The following CACNA1C variants were observed in gnomAD, a reference collection of about 807,000 sequenced individuals.
The protein encoded by CACNA1C is voltage-dependent L-type calcium channel subunit alpha-1C.
A neutral mutation model predicts 229.0 loss-of-function variants in CACNA1C; 30 were observed. That is an observed-to-expected ratio of 0.13 (90% CI 0.10 to 0.18). The LOEUF (loss-of-function observed/expected upper bound fraction) is 0.18, where lower values mean the gene tolerates loss of function less well. Ranked by LOEUF, CACNA1C falls within the 10% of genes least tolerant of loss-of-function variation. The pLI, the probability that CACNA1C is intolerant of heterozygous loss-of-function variation, is 1.00. For missense variants in CACNA1C, 1,658 were observed against 2,845.0 expected, an observed-to-expected ratio of 0.58 and a Z score of 9.49; for synonymous variants, 1,114 against 1,132.5, an observed-to-expected ratio of 0.98 and a Z score of 0.33.
intron 3 of CACNA1C, among the ~76,000 whole-genome samples, chr12:2,137,429 C>T (rs1460119463): frequency 6.6e-6 from 1 of 151,138 alleles, no homozygotes; most frequent in African/African-American, 2.4e-5. Flanking sequence ...CACACACATA[C>T]ACACACATTA....
At chr12:2,243,552 A>G (rs2071569352) in intron 3 of CACNA1C, among the ~76,000 whole-genome samples, 1 of 152,206 alleles carries the variant, frequency 6.6e-6, no homozygotes, top group African/African-American at 2.4e-5. Context: ...ATGAGAAGGT[A>G]TGAAATGACA....
chr12:2,534,159 G>A (rs994331906), intron 9 of CACNA1C, among the ~76,000 whole-genome samples: 2 of 152,264 alleles, frequency 1.3e-5, no homozygotes, highest in Non-Finnish European at 1.5e-5. Context: ...AGACACAGGC[G>A]CACAGCTCCC....
chr12:2,321,638 A>G (rs2096003875), intron 3 of CACNA1C, among the ~76,000 whole-genome samples: 1 of 152,158 alleles, frequency 6.6e-6, no homozygotes. Flanking sequence ...TGAATAAACA[A>G]GGTAATTTCA....
intron 1 of CACNA1C, among the ~76,000 whole-genome samples, chr12:2,069,427 G>A (rs1021229591): frequency 3.3e-5 from 5 of 152,194 alleles, no homozygotes; most frequent in Admixed American, 1.3e-4. Flanking sequence ...GTGCCTGTAC[G>A]TGTGTGGATG....
At chr12:2,453,837 A>T (rs1260717047) in intron 4 of CACNA1C, among the ~76,000 whole-genome samples, 1 of 152,236 alleles carries the variant, frequency 6.6e-6, no homozygotes, top group East Asian at 1.9e-4. Flanking sequence ...CAAGAGTGGC[A>T]TCTCCATGAG....
Position 2,181,023 on chromosome 12 carries a change from A to T in CACNA1C, c.477+60593A>T, listed in dbSNP as rs1455781325. ...TCATGAACATAACCCTCAAATCTGC[A>T]CTCCCCTATTACGTGTTTGGGCAAC... is the stretch of plus-strand genomic sequence containing the variant. On this transcript the variant is annotated intron_variant, in intron 3 of 46. Coordinates refer to ENST00000399655, the MANE Select transcript of CACNA1C (RefSeq NM_000719.7). The surrounding 1 kb of genome is among the most constrained non-coding windows in gnomAD (Gnocchi z 4.0). 6.6e-6 allele frequency among the ~76,000 whole-genome samples: 1 copy of T among 151,816 alleles called. No individual in the cohort carries two copies. The highest frequency in any genetic ancestry group is 1.5e-5 in the Non-Finnish European group (1 of 67,972).
At chr12:2,226,745 G>A (rs543183138) in intron 3 of CACNA1C, among the ~76,000 whole-genome samples, 212 of 152,274 alleles carry the variant, frequency 1.4e-3, no homozygotes, top group African/African-American at 4.7e-3. Flanking sequence ...AAAATACACC[G>A]AGTTTGACTC....
chr12:2,106,580 C>A (rs2078775016), intron 1 of CACNA1C, among the ~76,000 whole-genome samples: 1 of 121,772 alleles, frequency 8.2e-6, no homozygotes, highest in African/African-American at 3.1e-5. Context: ...CCTGAAGCCA[C>A]TGGGTGCTCA....
At position 2,654,391 on chromosome 12, in the gene CACNA1C, C is replaced by T. The variant is rs143834936; in HGVS notation, c.4140+491C>T. Among the ~76,000 whole-genome samples the T allele has an allele frequency of 3.7e-4, 56 of 152,312 alleles. No homozygotes were observed. Among genetic ancestry groups the T allele is most frequent in the African/African-American group, 1.2e-3 (50 of 41,574 alleles). On this transcript the variant is annotated intron_variant, in intron 33 of 46. Coordinates refer to ENST00000399655, the MANE Select transcript of CACNA1C (RefSeq NM_000719.7). This position sits in a 1 kb window ranked among gnomAD's most constrained non-coding sequence, Gnocchi z 4.4. ...AGGGCCAAATCAACACAAGGTTCAC[C>T]GCATCAAATGTGCAGCAGTTTTCTG...
rs3794288 is a variant in CACNA1C at position 2,680,055 on chromosome 12, A to G, written c.5444+259A>G. Among the ~76,000 whole-genome samples, 24,526 of 152,078 alleles carry G rather than the reference A, an allele frequency of 0.16. 3,883 individuals are homozygous for G. Among genetic ancestry groups the G allele is most frequent in the African/African-American group, 0.41 (16,863 of 41,462 alleles). ...CCCACAGGGCCCTCTCCTCTCCCAC[A>G]CTTCCTGAGTGGCAGAATGTGATCA... is the stretch of plus-strand genomic sequence containing the variant. On this transcript the variant is annotated intron_variant, in intron 42 of 46. Transcript: ENST00000399655.
chr12:2,680,630 C>T (rs2153809132), intron 42 of CACNA1C: 3 of 1,424,718 alleles, frequency 2.1e-6, no homozygotes, highest in African/African-American at 1.4e-5. Flanking sequence ...TAGCAGCTTC[C>T]CTCTAAACCC....
Position 2,319,883 on chromosome 12 carries a change from T to C in CACNA1C, c.478-129093T>C, listed in dbSNP as rs1475902645. 6.6e-6 allele frequency among the ~76,000 whole-genome samples: 1 copy of C among 152,114 alleles called. No homozygotes were observed. Among genetic ancestry groups the C allele is most frequent in the Non-Finnish European group, 1.5e-5 (1 of 68,008 alleles). ...CACTTCATTCCTTAGGTGTGAGTCA[T>C]GTTCACATTTCAGGGAAAATGCACA... On this transcript the variant is annotated intron_variant, in intron 3 of 46. Transcript: ENST00000399655. This position sits in a 1 kb window ranked among gnomAD's most constrained non-coding sequence, Gnocchi z 4.0.
At chr12:2,435,300 G>A (rs1345622041) in intron 3 of CACNA1C, among the ~76,000 whole-genome samples, 3 of 152,242 alleles carry the variant, frequency 2.0e-5, no homozygotes, top group Non-Finnish European at 2.9e-5. Context: ...CCGATTACCA[G>A]CAGGGCTCAT....
chr12:2,356,846 G>A (rs2154529073), intron 3 of CACNA1C, among the ~76,000 whole-genome samples: 1 of 152,316 alleles, frequency 6.6e-6, no homozygotes, highest in Admixed American at 6.5e-5. Context: ...CCATTCCACA[G>A]ATGAGGCCGC....
rs2097653049 is a variant in CACNA1C, at chr12:2,688,743, G to A, written c.6081G>A (p.Arg2027=). Residue 2027 remains arginine (R), a synonymous_variant, in exon 46 of 47, where the codon AGG becomes AGA. Transcript: ENST00000399655. ...MVPSQAGAPG[R]QFHGSASSLV... ...CCAGCCAGGCTGGGGCCCCAGGGAG[G>A]CAGTTCCACGGCAGTGCCAGCAGCC... 3 of 1,587,258 alleles carry A rather than the reference G, an allele frequency of 1.9e-6. No homozygotes were observed. The highest frequency in any genetic ancestry group is 1.3e-5 in the African/African-American group (1 of 74,304).
intron 3 of CACNA1C, among the ~76,000 whole-genome samples, chr12:2,124,320 AT>A (rs1232776492): frequency 6.6e-6 from 1 of 152,194 alleles, no homozygotes; most frequent in African/African-American, 2.4e-5. Context: ...CAAGTTTCAC[AT>A]AGGTTGACAT....
chr12:2,456,568 G>T (rs1596836860), intron 4 of CACNA1C, among the ~76,000 whole-genome samples: 1 of 152,122 alleles, frequency 6.6e-6, no homozygotes, highest in African/African-American at 2.4e-5. Flanking sequence ...CGCACACCCT[G>T]CCCCTCCCTT....
At chr12:2,393,719 C>T (rs879587740) in intron 3 of CACNA1C, among the ~76,000 whole-genome samples, 5 of 152,184 alleles carry the variant, frequency 3.3e-5, no homozygotes, top group South Asian at 2.1e-4. Flanking sequence ...GGCAGGTACT[C>T]GTTTTCTTAC....
intron 1 of CACNA1C, among the ~76,000 whole-genome samples, chr12:2,113,466 G>T (rs908411198): frequency 1.3e-5 from 2 of 152,164 alleles, no homozygotes; most frequent in African/African-American, 4.8e-5. Flanking sequence ...AGGAGAGGGA[G>T]GGGGTCAATA....
Sources: allele counts gnomAD v4.1 joint callset (sites outside exome capture counted in the v4.1 genomes callset), GRCh38; gene constraint gnomAD v4.1.1; non-coding constraint Gnocchi (gnomAD v3.1); transcripts MANE v1.5; gene names NCBI Gene and HGNC (gene_info 2026-07-23, HGNC 2026-07-21).